The following JAKMIP1 variants were observed in gnomAD, a reference collection of about 807,000 sequenced individuals.
JAKMIP1 encodes janus kinase and microtubule-interacting protein 1.
A neutral mutation model predicts 113.0 loss-of-function variants in JAKMIP1; 33 were observed. The observed-to-expected ratio is 0.29, with a 90% CI of 0.22 to 0.39. JAKMIP1 has a LOEUF of 0.39. Among genes scored for constraint, JAKMIP1 ranks in the 10% least tolerant of loss-of-function variants. JAKMIP1 has a pLI of 1.00. For missense variants in JAKMIP1, 813 were observed against 1,080.5 expected (o/e 0.75, Z 3.47); for synonymous variants, 480 against 459.9 (o/e 1.04, Z -0.56).
chr4:6,132,655 A>T lies in JAKMIP1; in HGVS notation c.-147-19658T>A, dbSNP rs5855902. On this transcript the variant is annotated intron_variant, in intron 1 of 20. Transcript: ENST00000409021. Reference sequence around the variant, plus strand: ...AGACATTGCCTCAAAAATAAAAAAAAAAAAAAAGAAAGCAGAAAAGGAGTA... The same window carrying T: ...AGACATTGCCTCAAAAATAAAAAAATAAAAAAAGAAAGCAGAAAAGGAGTA... 1.2e-4 allele frequency among the ~76,000 whole-genome samples: 9 copies of T among 73,912 alleles called. No individual in the cohort carries two copies. In the East Asian group the frequency reaches 5.9e-3, roughly 49 times the overall value. 48.5% of individuals were successfully genotyped at this position (73,912 alleles called of 152,430 possible).
At position 6,140,194 on chromosome 4, in the gene JAKMIP1, G is replaced by A. The variant is rs1321648267; in HGVS notation, c.-147-27197C>T. Among the ~76,000 whole-genome samples, 1 of 151,514 alleles carries A rather than the reference G, an allele frequency of 6.6e-6. No individual in the cohort carries two copies. The highest frequency in any genetic ancestry group is 2.4e-5 in the African/African-American group (1 of 41,146). On this transcript the variant is annotated intron_variant, in intron 1 of 20. Transcript: ENST00000409021. The surrounding 1 kb of genome is among the most constrained non-coding windows in gnomAD (Gnocchi z 9.4). ...GCTGACAGCGGCAGAAACAATCAAT[G>A]TTCACGTGGCTCTCCACCCGGACAT...
At chr4:6,092,842 A>T (rs1347481741) in intron 3 of JAKMIP1, among the ~76,000 whole-genome samples, 3 of 152,176 alleles carry the variant, frequency 2.0e-5, no homozygotes, top group Non-Finnish European at 4.4e-5. Context: ...GTGATGCTTC[A>T]TCTACTGTGT....
At chr4:6,161,240 C>CACTCACT (rs1722909779) in intron 1 of JAKMIP1, among the ~76,000 whole-genome samples, 1 of 147,490 alleles carries the variant, frequency 6.8e-6, no homozygotes, top group African/African-American at 2.6e-5. Context: ...CTCCACTCAC[C>CACTCACT]TCCCCTGACC....
Position 6,197,626 on chromosome 4 carries a change from A to C in JAKMIP1, c.-148+2627T>G, listed in dbSNP as rs962327726. Among the ~76,000 whole-genome samples the C allele has an allele frequency of 3.1e-4, 47 of 152,178 alleles. No individual in the cohort carries two copies. Among genetic ancestry groups the C allele is most frequent in the African/African-American group, 1.1e-3 (47 of 41,436 alleles). On this transcript the variant is annotated intron_variant, in intron 1 of 20. Transcript: ENST00000409021. This position sits in a 1 kb window ranked among gnomAD's most constrained non-coding sequence, Gnocchi z 6.5. ...TTGATCCCGTCGCCACTATGGGGAGAGGAGTGACCCAGCAGAACTGGGACA... is the reference window on the plus strand; with the variant it reads ...TTGATCCCGTCGCCACTATGGGGAGCGGAGTGACCCAGCAGAACTGGGACA...
At position 6,168,314 on chromosome 4, in the gene JAKMIP1, T is replaced by C. The variant is rs943440472; in HGVS notation, c.-148+31939A>G. On this transcript the variant is annotated intron_variant, in intron 1 of 20. Coordinates refer to ENST00000409021, the MANE Select transcript of JAKMIP1 (RefSeq NM_001099433.2). The surrounding 1 kb of genome is among the most constrained non-coding windows in gnomAD (Gnocchi z 4.6). ...TATGTAACTGAAAGATGGGAAAACA[T>C]ATGTGCACACAAAAACATGTACACA... 6.6e-6 allele frequency among the ~76,000 whole-genome samples: 1 copy of C among 152,144 alleles called. No homozygotes were observed. Among genetic ancestry groups the C allele is most frequent in the Non-Finnish European group, 1.5e-5 (1 of 68,036 alleles).
At position 6,199,156 on chromosome 4, in the gene JAKMIP1, C is replaced by T. The variant is rs924146803; in HGVS notation, c.-148+1097G>A. The stretch of plus-strand genomic sequence containing the variant: ...GCACAGCACTGGCAAAGGCCAAGGA[C>T]AGTGTGCCTGCGAGTGTGCGCAGAT... On this transcript the variant is annotated intron_variant, in intron 1 of 20. Transcript: ENST00000409021. This position sits in a 1 kb window ranked among gnomAD's most constrained non-coding sequence, Gnocchi z 5.6. Among the ~76,000 whole-genome samples the T allele has an allele frequency of 6.6e-6, 1 of 152,256 alleles. No homozygotes were observed. The highest frequency in any genetic ancestry group is 1.5e-5 in the Non-Finnish European group (1 of 68,042).
Position 6,086,838 on chromosome 4 carries a change from T to C in JAKMIP1, c.625-1209A>G, listed in dbSNP as rs778470319. ...AAGAGAGACACAGAGGGGAAGGCCG[T>C]GTAAGGACGGAGGCAGAGGCTGGAG... is the stretch of plus-strand genomic sequence containing the variant. On this transcript the variant is annotated intron_variant, in intron 3 of 20. Coordinates refer to ENST00000409021, the MANE Select transcript of JAKMIP1 (RefSeq NM_001099433.2). The surrounding 1 kb of genome is among the most constrained non-coding windows in gnomAD (Gnocchi z 4.1). 2.7e-4 allele frequency among the ~76,000 whole-genome samples: 41 copies of C among 152,026 alleles called. No homozygotes were observed. In the Middle Eastern group the frequency reaches 0.014, roughly 50 times the overall value.
At chr4:6,095,318 AAG>A (rs1408084951) in intron 3 of JAKMIP1, among the ~76,000 whole-genome samples, 1 of 151,340 alleles carries the variant, frequency 6.6e-6, no homozygotes, top group Non-Finnish European at 1.5e-5. Context: ...AGGAAGGGGA[AAG>A]AGAGAGACAG....
chr4:6,077,236 G>C (rs1422883710), intron 8 of JAKMIP1, among the ~76,000 whole-genome samples: 1 of 152,150 alleles, frequency 6.6e-6, no homozygotes, highest in Non-Finnish European at 1.5e-5. Context: ...TCCTAATCCA[G>C]CATGAGTGGT....
At position 6,178,560 on chromosome 4, in the gene JAKMIP1, GA is replaced by G. The variant is rs1415226969; in HGVS notation, c.-148+21692del. ...TCTGATGATATTGGAAGCATTTCAT[GA>G]ACCGGGATATTTCGAAACTGCATCT... On this transcript the variant is annotated intron_variant, in intron 1 of 20. Transcript: ENST00000409021. The surrounding 1 kb of genome is among the most constrained non-coding windows in gnomAD (Gnocchi z 5.5). Among the ~76,000 whole-genome samples, 1 of 152,170 alleles carries G rather than the reference GA, an allele frequency of 6.6e-6. No individual in the cohort carries two copies. The highest frequency in any genetic ancestry group is 2.4e-5 in the African/African-American group (1 of 41,440).
rs896181666 is a variant in JAKMIP1 at position 6,200,040 on chromosome 4, G to C, written c.-148+213C>G. On this transcript the variant is annotated intron_variant, in intron 1 of 20. Coordinates refer to ENST00000409021, the MANE Select transcript of JAKMIP1 (RefSeq NM_001099433.2). The surrounding 1 kb of genome is among the most constrained non-coding windows in gnomAD (Gnocchi z 7.0). The stretch of plus-strand genomic sequence containing the variant: ...GGGTCTGAAGAGGAGTGGGGGATGG[G>C]TATGGAAGGGTGGGGGACCACTGAG... Among the ~76,000 whole-genome samples, 3 of 149,228 alleles carry C rather than the reference G, an allele frequency of 2.0e-5. No homozygotes were observed. Among genetic ancestry groups the C allele is most frequent in the African/African-American group, 7.4e-5 (3 of 40,510 alleles).
intron 19 of JAKMIP1, among the ~76,000 whole-genome samples, chr4:6,035,115 C>T (rs563907731): frequency 4.0e-4 from 61 of 151,292 alleles, no homozygotes; most frequent in African/African-American, 1.4e-3. Flanking sequence ...CAACCTCTTT[C>T]TCTCTCTCTC....
chr4:6,082,876 G>C lies in JAKMIP1; in HGVS notation c.955-1121C>G, dbSNP rs116716304. On this transcript the variant is annotated intron_variant, in intron 5 of 20. Transcript: ENST00000409021. ...CAGACCATGGTATATCCACACAATGGACTACCAAGCCGCTGGTAAAAAGAC... is the reference window on the plus strand; with the variant it reads ...CAGACCATGGTATATCCACACAATGCACTACCAAGCCGCTGGTAAAAAGAC... Among the ~76,000 whole-genome samples, 439 of 152,162 alleles carry C rather than the reference G, an allele frequency of 2.9e-3. 2 individuals are homozygous for C. Among genetic ancestry groups the C allele is most frequent in the African/African-American group, 0.01 (420 of 41,520 alleles).
rs968661859 is a variant in JAKMIP1, at chr4:6,141,821, G to A, written c.-147-28824C>T. 1.1e-4 allele frequency among the ~76,000 whole-genome samples: 17 copies of A among 152,146 alleles called. No homozygotes were observed. Among genetic ancestry groups the A allele is most frequent in the South Asian group, 2.1e-4 (1 of 4,818 alleles). ...GGCCACTGAGCAGCCCGGTGGGAGCGGAAGTTGATGTGGAAACCACTCATT... is the reference window on the plus strand; with the variant it reads ...GGCCACTGAGCAGCCCGGTGGGAGCAGAAGTTGATGTGGAAACCACTCATT... On this transcript the variant is annotated intron_variant, in intron 1 of 20. Coordinates refer to ENST00000409021, the MANE Select transcript of JAKMIP1 (RefSeq NM_001099433.2). The surrounding 1 kb of genome is among the most constrained non-coding windows in gnomAD (Gnocchi z 9.4).
chr4:6,100,981 C>T (rs1208405042), intron 3 of JAKMIP1, among the ~76,000 whole-genome samples: 4 of 152,110 alleles, frequency 2.6e-5, no homozygotes, highest in Non-Finnish European at 5.9e-5. Flanking sequence ...AACATGTCTT[C>T]TCTCAGTCTG....
Position 6,143,342 on chromosome 4 carries a change from G to T in JAKMIP1, c.-147-30345C>A, listed in dbSNP as rs1720422555. Reference sequence around the variant, plus strand: ...AATCTCAGCCAATTCTGGGATCTGGGTGTGGGAAGCCTCCTTTGCCATCAG... The same window carrying T: ...AATCTCAGCCAATTCTGGGATCTGGTTGTGGGAAGCCTCCTTTGCCATCAG... On this transcript the variant is annotated intron_variant, in intron 1 of 20. Coordinates refer to ENST00000409021, the MANE Select transcript of JAKMIP1 (RefSeq NM_001099433.2). The surrounding 1 kb of genome is among the most constrained non-coding windows in gnomAD (Gnocchi z 4.9). 6.6e-6 allele frequency among the ~76,000 whole-genome samples: 1 copy of T among 152,188 alleles called. No individual in the cohort carries two copies. Among genetic ancestry groups the T allele is most frequent in the Non-Finnish European group, 1.5e-5 (1 of 68,040 alleles).
At chr4:6,170,156 A>G (rs1042282086) in intron 1 of JAKMIP1, among the ~76,000 whole-genome samples, 2 of 147,608 alleles carry the variant, frequency 1.4e-5, no homozygotes, top group African/African-American at 2.5e-5. Context: ...CACCAACACC[A>G]CCACCACCAC....
chr4:6,187,339 A>AT lies in JAKMIP1; in HGVS notation c.-148+12913dup, dbSNP rs1726761564. 6.6e-6 allele frequency among the ~76,000 whole-genome samples: 1 copy of AT among 152,168 alleles called. No individual in the cohort carries two copies. Among genetic ancestry groups the AT allele is most frequent in the South Asian group, 2.1e-4 (1 of 4,812 alleles). The stretch of plus-strand genomic sequence containing the variant: ...CTTATGGTTGCTATTTACCTGATAT[A>AT]TTTTTTCTCATCCTTTCACTTTCAA... On this transcript the variant is annotated intron_variant, in intron 1 of 20. Coordinates refer to ENST00000409021, the MANE Select transcript of JAKMIP1 (RefSeq NM_001099433.2). This position sits in a 1 kb window ranked among gnomAD's most constrained non-coding sequence, Gnocchi z 4.2.
At chr4:6,030,733 G>T (rs1416109238) in intron 19 of JAKMIP1, among the ~76,000 whole-genome samples, 1 of 152,180 alleles carries the variant, frequency 6.6e-6, no homozygotes, top group Non-Finnish European at 1.5e-5. Context: ...TTAAACATGG[G>T]GTCACCATAG....
Sources: allele counts gnomAD v4.1 joint callset (sites outside exome capture counted in the v4.1 genomes callset), GRCh38; gene constraint gnomAD v4.1.1; non-coding constraint Gnocchi (gnomAD v3.1); transcripts MANE v1.5; gene names NCBI Gene and HGNC (gene_info 2026-07-23, HGNC 2026-07-21).